Variants in VDR observed in about 807,000 individuals in gnomAD.
The protein encoded by VDR is vitamin D receptor.
Under a neutral mutation model 39.7 loss-of-function variants are expected in VDR, and 19 were observed. That is an observed-to-expected ratio of 0.48 (90% CI 0.33 to 0.70). The LOEUF (loss-of-function observed/expected upper bound fraction) is 0.70. Among genes scored for constraint, VDR ranks in the 30% least tolerant of loss-of-function variants. The pLI, the probability that VDR is intolerant of heterozygous loss-of-function variation, is 0.02. For synonymous variants in VDR, 242 were observed against 215.8 expected, an observed-to-expected ratio of 1.12 and a Z score of -1.07; for missense variants, 442 against 570.5, an observed-to-expected ratio of 0.77 and a Z score of 2.29.
Position 47,855,524 on chromosome 12 carries a change from A to C in VDR, c.755+106T>G, listed in dbSNP as rs554726207. ...GACAGAGCAAGATGCCGTTTAAAAA[A>C]ATAAAAAATAAAAAAAAGAAGTGGT... On this transcript the variant is annotated intron_variant, in intron 7 of 9. Transcript: ENST00000549336. The C allele has an allele frequency of 1.1e-4, 153 of 1,388,364 alleles. 1 individual carries two copies. In the African/African-American group the frequency reaches 1.9e-3, roughly 17 times the overall value. The allele number at this position is 1,388,364 out of a possible 1,614,324, so 86.0% of individuals were successfully genotyped here. A position where few individuals can be genotyped will look rare whatever the true frequency, so the allele number is the denominator to read the frequency against.
intron 1 of VDR, chr12:47,898,691 C>T (rs1478036218): frequency 6.4e-6 from 1 of 155,228 alleles, no homozygotes; most frequent in East Asian, 1.9e-4. Context: ...GCAGTGCAAA[C>T]TCATGAACTG....
rs563515133 is a variant in VDR, at chr12:47,851,952, A to G, written c.755+3678T>C. 3.9e-5 allele frequency among the ~76,000 whole-genome samples: 6 copies of G among 152,350 alleles called. No individual in the cohort carries two copies. In the South Asian group the frequency reaches 1.2e-3, roughly 32 times the overall value. ...GACAGACTAGGGGACAGAGGAGAAC[A>G]TGATGAAAGGAAGAGGGCAGACTTC... is the stretch of plus-strand genomic sequence containing the variant. On this transcript the variant is annotated intron_variant, in intron 7 of 9. Transcript: ENST00000549336.
In VDR at chr12:47,876,145, C is replaced by T. The variant is rs566842243; in HGVS notation, c.146+2823G>A. ...TTCACAAATGACCACAAAGGGGCTG[C>T]AAGTATTGATTTTGGTAAATTTTAG... On this transcript the variant is annotated intron_variant, in intron 3 of 9. Coordinates refer to ENST00000549336, the MANE Select transcript of VDR (RefSeq NM_000376.3). 4.6e-5 allele frequency among the ~76,000 whole-genome samples: 7 copies of T among 152,188 alleles called. No individual in the cohort carries two copies. The South Asian group carries it at 8.3e-4, about 18-fold the overall frequency.
At chr12:47,879,576 C>T (rs1946099691) in intron 2 of VDR, among the ~76,000 whole-genome samples, 1 of 152,138 alleles carries the variant, frequency 6.6e-6, no homozygotes, top group Non-Finnish European at 1.5e-5. Flanking sequence ...GAGAGTCCTC[C>T]CTCAGCCTCA....
intron 7 of VDR, among the ~76,000 whole-genome samples, chr12:47,848,121 C>T (rs1260078977): frequency 6.6e-6 from 1 of 152,148 alleles, no homozygotes; most frequent in African/African-American, 2.4e-5. Context: ...CCAGGATGGT[C>T]TCGATCTCCT....
chr12:47,868,451 C>CAGGCTT (rs1431985839), intron 3 of VDR, among the ~76,000 whole-genome samples: 1 of 152,250 alleles, frequency 6.6e-6, no homozygotes, highest in Non-Finnish European at 1.5e-5. Context: ...AGTTATACGC[C>CAGGCTT]AGGCTTTTTT....
At chr12:47,846,046 G>C (rs542984801) in intron 9 of VDR, among the ~76,000 whole-genome samples, 2 of 152,306 alleles carry the variant, frequency 1.3e-5, no homozygotes, top group African/African-American at 4.8e-5. Context: ...CTGAGTATTG[G>C]GAATGCGCAG....
At chr12:47,892,834 G>C (rs1341767471) in intron 1 of VDR, among the ~76,000 whole-genome samples, 1 of 152,226 alleles carries the variant, frequency 6.6e-6, no homozygotes, top group Non-Finnish European at 1.5e-5. Context: ...ATCTTGGTGA[G>C]AAAAGAGAAG....
At chr12:47,852,397 G>A (rs183717515) in intron 7 of VDR, among the ~76,000 whole-genome samples, 1 of 152,372 alleles carries the variant, frequency 6.6e-6, no homozygotes, top group African/African-American at 2.4e-5. Context: ...GTGAAGCGTG[G>A]AGGAGGGAGT....
intron 1 of VDR, chr12:47,899,882 T>G: frequency 6.1e-6 from 6 of 984,564 alleles, no homozygotes; most frequent in Non-Finnish European, 7.2e-6. Flanking sequence ...CAAAGCAATG[T>G]GCACGGGGCC....
At chr12:47,880,642 C>T (rs1946128198) in intron 2 of VDR, among the ~76,000 whole-genome samples, 1 of 152,110 alleles carries the variant, frequency 6.6e-6, no homozygotes, top group Admixed American at 6.6e-5. Context: ...ATTCCCTAAC[C>T]TCATTTAGCT....
intron 4 of VDR, among the ~76,000 whole-genome samples, chr12:47,859,002 C>G (rs1380335408): frequency 6.6e-6 from 1 of 152,162 alleles, no homozygotes; most frequent in Non-Finnish European, 1.5e-5. Flanking sequence ...TAGACCACAC[C>G]CAGGTGACTG....
chr12:47,866,770 ATC>A (rs1193861042), intron 3 of VDR, among the ~76,000 whole-genome samples: 3 of 151,314 alleles, frequency 2.0e-5, no homozygotes, highest in South Asian at 2.1e-4. Flanking sequence ...TGGGCGGATC[ATC>A]TGAGGTAAGG....
intron 3 of VDR, among the ~76,000 whole-genome samples, chr12:47,871,293 T>TCTTTCTTTCTTTCTTCCTTTCTTTCTTC (rs1293902896): frequency 4.7e-4 from 4 of 8,488 alleles, no homozygotes; most frequent in African/African-American, 1.2e-3. Context: ...TTTCTCTTTC[T>TCTTTCTTTCTTTCTTCCTTTCTTTCTTC]CTTTCTTTCT....
intron 9 of VDR, among the ~76,000 whole-genome samples, chr12:47,846,061 G>C (rs948058033): frequency 6.6e-6 from 1 of 152,228 alleles, no homozygotes; most frequent in Non-Finnish European, 1.5e-5. Flanking sequence ...GCGCAGGCCT[G>C]TCTGTGGCCC....
intron 1 of VDR, among the ~76,000 whole-genome samples, chr12:47,887,303 CAA>C (rs1438383360): frequency 3.1e-5 from 2 of 63,498 alleles, no homozygotes; most frequent in East Asian, 1.1e-3. Flanking sequence ...GCCTGGGCGA[CAA>C]GAGTAAAACT....
chr12:47,849,776 A>G (rs1945348697), intron 7 of VDR, among the ~76,000 whole-genome samples: 1 of 152,254 alleles, frequency 6.6e-6, no homozygotes, highest in Non-Finnish European at 1.5e-5. Context: ...ATAAAAATGT[A>G]AAAACAAATT....
chr12:47,858,881 G>T (rs2238140), intron 4 of VDR, among the ~76,000 whole-genome samples: 2 of 152,006 alleles, frequency 1.3e-5, no homozygotes, highest in African/African-American at 4.8e-5. Context: ...GTTGCTGTGG[G>T]GTGAGGAAGA....
chr12:47,860,146 A>G (rs952700180), intron 4 of VDR, among the ~76,000 whole-genome samples: 1 of 151,786 alleles, frequency 6.6e-6, no homozygotes, highest in Non-Finnish European at 1.5e-5. Flanking sequence ...TTGTATTTTT[A>G]GTAGAGATGG....
Sources: gnomAD v4.1 joint callset for allele counts (sites outside exome capture counted in the v4.1 genomes callset) on GRCh38, gnomAD v4.1.1 for gene constraint, MANE v1.5 for transcripts, NCBI Gene and HGNC (gene_info 2026-07-23, HGNC 2026-07-21) for gene names.